ULK4: variants seen among roughly 807,000 people sequenced by gnomAD.
ULK4 encodes inactive serine/threonine-protein kinase ULK4.
In ULK4, 133 loss-of-function variants were observed where a neutral mutation model predicts 160.6. The observed-to-expected ratio is 0.83, with a 90% CI of 0.72 to 0.96. ULK4 has a LOEUF of 0.96. Ranked by LOEUF, ULK4 falls within the 40% of genes least tolerant of loss-of-function variation. ULK4 has a pLI of 0.00. For missense variants in ULK4, 1,580 were observed against 1,499.5 expected (o/e 1.05, Z -0.89); for synonymous variants, 534 against 539.8 (o/e 0.99, Z 0.15).
chr3:41,373,151 G>C (rs1575481169), intron 35 of ULK4, among the ~76,000 whole-genome samples: 1 of 152,152 alleles, frequency 6.6e-6, no homozygotes, highest in East Asian at 1.9e-4. Flanking sequence ...AGTTATTAGA[G>C]ACCTACAAAG....
At chr3:41,594,948 T>C (rs769947097) in intron 31 of ULK4, among the ~76,000 whole-genome samples, 1 of 152,198 alleles carries the variant, frequency 6.6e-6, no homozygotes, top group East Asian at 1.9e-4. Context: ...GACTGTATTA[T>C]ATGGCTAGGG....
intron 36 of ULK4, 77 bp from the exon 37 acceptor site, chr3:41,247,069 C>A (rs2078658826): frequency 2.8e-6 from 4 of 1,420,668 alleles, no homozygotes; most frequent in Non-Finnish European, 2.9e-6. Context: ...AAGGGGCCAG[C>A]CTCTTTTGCA....
chr3:41,857,434 T>A (rs2042387099), intron 17 of ULK4, among the ~76,000 whole-genome samples: 4 of 152,206 alleles, frequency 2.6e-5, no homozygotes, highest in African/African-American at 9.7e-5. Flanking sequence ...CAGATTTTGG[T>A]ATCTGGGTAA....
At chr3:41,331,767 C>A (rs1280782279) in intron 35 of ULK4, among the ~76,000 whole-genome samples, 2 of 152,144 alleles carry the variant, frequency 1.3e-5, no homozygotes, top group African/African-American at 4.8e-5. Context: ...CCATCTGGAT[C>A]GTTTAATGAG....
intron 32 of ULK4, among the ~76,000 whole-genome samples, chr3:41,488,418 G>T (rs1198317971): frequency 6.6e-6 from 1 of 152,132 alleles, no homozygotes; most frequent in African/African-American, 2.4e-5. Context: ...ACCTAGTTGT[G>T]CTTGGTAAGC....
At chr3:41,578,407 C>G (rs2088272488) in intron 31 of ULK4, among the ~76,000 whole-genome samples, 1 of 152,078 alleles carries the variant, frequency 6.6e-6, no homozygotes, top group Non-Finnish European at 1.5e-5. Flanking sequence ...AGATAAGAAC[C>G]ATTATATTTG....
intron 17 of ULK4, 86 bp downstream of exon 17, chr3:41,883,783 TGAAGG>T: frequency 1.5e-5 from 1 of 65,852 alleles, no homozygotes; most frequent in Non-Finnish European, 4.4e-5. Context: ...AAAAAACAAG[TGAAGG>T]TCGGTGAAAG....
At chr3:41,475,453 TA>T (rs1353783664) in intron 32 of ULK4, among the ~76,000 whole-genome samples, 1 of 152,150 alleles carries the variant, frequency 6.6e-6, no homozygotes, top group African/African-American at 2.4e-5. Flanking sequence ...TAATAATGTA[TA>T]CTTCAAAATC....
At chr3:41,824,686 G>A (rs1312602793) in intron 18 of ULK4, among the ~76,000 whole-genome samples, 1 of 152,160 alleles carries the variant, frequency 6.6e-6, no homozygotes, top group Non-Finnish European at 1.5e-5. Flanking sequence ...ACTGGGTGGA[G>A]CCCACCGCAG....
At position 41,777,930 on chromosome 3, in the gene ULK4, G is replaced by A. The variant is rs1318558081; in HGVS notation, c.2193+11731C>T. 1.4e-5 allele frequency among the ~76,000 whole-genome samples: 2 copies of A among 140,528 alleles called. 1 individual carries two copies. Among genetic ancestry groups the A allele is most frequent in the African/African-American group, 5.5e-5 (2 of 36,608 alleles). The allele number at this position is 140,528 out of a possible 152,430, so 92.2% of individuals were successfully genotyped here. ...CCCTTTGAAAACTGGCACAAGACAG[G>A]GATGCCCTCTCTCACCACTCCTATT... On this transcript the variant is annotated intron_variant, in intron 21 of 36. Coordinates refer to ENST00000301831, the MANE Select transcript of ULK4 (RefSeq NM_017886.4).
At chr3:41,583,292 A>T (rs1249556741) in intron 31 of ULK4, among the ~76,000 whole-genome samples, 1 of 152,130 alleles carries the variant, frequency 6.6e-6, no homozygotes, top group Admixed American at 6.5e-5. Flanking sequence ...TTACTAAATT[A>T]TTTTATTATG....
At chr3:41,824,692 C>G (rs1000747506) in intron 18 of ULK4, among the ~76,000 whole-genome samples, 1 of 152,156 alleles carries the variant, frequency 6.6e-6, no homozygotes, top group Non-Finnish European at 1.5e-5. Context: ...TGGAGCCCAC[C>G]GCAGTTCAAG....
At chr3:41,955,986 G>GAACCTA (rs1700469926) in intron 1 of ULK4, among the ~76,000 whole-genome samples, 1 of 152,124 alleles carries the variant, frequency 6.6e-6, no homozygotes, top group Non-Finnish European at 1.5e-5. Flanking sequence ...TGGAGGCAGG[G>GAACCTA]AACCTAAGGC....
chr3:41,913,979 G>C (rs376463843), intron 8 of ULK4, among the ~76,000 whole-genome samples: 168 of 152,150 alleles, frequency 1.1e-3, no homozygotes, highest in African/African-American at 3.9e-3. Context: ...GGGGTGCGGC[G>C]GTGGGAGGAA....
At chr3:41,833,297 T>TTTTTTTTTTGTTTTTTTTTTTTG (rs2041654136) in intron 18 of ULK4, among the ~76,000 whole-genome samples, 1 of 138,994 alleles carries the variant, frequency 7.2e-6, no homozygotes. Context: ...TTTTTTTTTT[T>TTTTTTTTTTGTTTTTTTTTTTTG]TTTGTTTGTT....
At chr3:41,773,753 G>A (rs143359739) in intron 21 of ULK4, among the ~76,000 whole-genome samples, 5,348 of 152,000 alleles carry the variant, frequency 0.035, 128 homozygotes, top group Middle Eastern at 0.065. Flanking sequence ...AAAAAGAGCC[G>A]GCATTGCCAA....
intron 31 of ULK4, among the ~76,000 whole-genome samples, chr3:41,575,264 G>T (rs1575437140): frequency 1.3e-5 from 2 of 152,168 alleles, no homozygotes; most frequent in Admixed American, 1.3e-4. Flanking sequence ...CAGGATTTAG[G>T]GGTCCACAGG....
At chr3:41,501,611 T>C (rs983515860) in intron 32 of ULK4, among the ~76,000 whole-genome samples, 2 of 152,214 alleles carry the variant, frequency 1.3e-5, no homozygotes, top group African/African-American at 4.8e-5. Context: ...TATGGAATAA[T>C]TAAATCAAGC....
intron 34 of ULK4, among the ~76,000 whole-genome samples, chr3:41,413,942 C>CA (rs2082469247): frequency 6.6e-6 from 1 of 152,174 alleles, no homozygotes; most frequent in Non-Finnish European, 1.5e-5. Context: ...CAGTGGCTCA[C>CA]GCCTGTAATC....
Sources: allele counts gnomAD v4.1 joint callset (sites outside exome capture counted in the v4.1 genomes callset), GRCh38; gene constraint gnomAD v4.1.1; transcripts MANE v1.5; gene names NCBI Gene and HGNC (gene_info 2026-07-23, HGNC 2026-07-21).